The following TBC1D5 variants were observed in gnomAD, a reference collection of about 807,000 sequenced individuals.
The protein encoded by TBC1D5 is TBC1 domain family, member 5.
A neutral mutation model predicts 100.3 loss-of-function variants in TBC1D5; 75 were observed. The observed-to-expected ratio is 0.75, with a 90% CI of 0.62 to 0.91. The LOEUF is 0.91. Ranked by LOEUF, TBC1D5 falls within the 40% of genes least tolerant of loss-of-function variation. The pLI is 0.00. For missense variants in TBC1D5, 910 were observed against 942.4 expected (o/e 0.97, Z 0.45); for synonymous variants, 323 against 325.6 (o/e 0.99, Z 0.09).
intron 1 of TBC1D5, among the ~76,000 whole-genome samples, chr3:17,677,228 G>A (rs141445386): frequency 0.055 from 8,325 of 152,006 alleles, 698 homozygotes; most frequent in African/African-American, 0.18. Context: ...CTATAGAATG[G>A]GAAAAAATTT....
At chr3:17,371,431 A>C (rs77688720) in intron 13 of TBC1D5, among the ~76,000 whole-genome samples, 13,632 of 152,120 alleles carry the variant, frequency 0.09, 1,391 homozygotes, top group African/African-American at 0.25. Context: ...TTTCTTTTGC[A>C]CTGAGCTCTG....
exon 1 of TBC1D5, chr3:17,740,684 T>C (rs2077355608): frequency 6.6e-6 from 1 of 152,228 alleles, no homozygotes; most frequent in Non-Finnish European, 1.5e-5. Flanking sequence ...GCAAATTTGC[T>C]TCCAAAACTC....
chr3:17,341,783 T>G (rs530710099), intron 13 of TBC1D5, among the ~76,000 whole-genome samples: 1 of 152,280 alleles, frequency 6.6e-6, no homozygotes, highest in Non-Finnish European at 1.5e-5. Flanking sequence ...AAGCTAAAAA[T>G]TGCAGTATGA....
At chr3:17,165,451 A>C (rs189294222) in intron 21 of TBC1D5, among the ~76,000 whole-genome samples, 80 of 152,358 alleles carry the variant, frequency 5.3e-4, no homozygotes, top group African/African-American at 1.8e-3. Flanking sequence ...CTGTGCAAGG[A>C]AGGAGAATTT....
chr3:17,341,178 T>C (rs1358890218), intron 13 of TBC1D5, among the ~76,000 whole-genome samples: 4 of 152,186 alleles, frequency 2.6e-5, no homozygotes, highest in African/African-American at 9.7e-5. Context: ...GCACTTTACA[T>C]GTAGCTCTTT....
intron 1 of TBC1D5, among the ~76,000 whole-genome samples, chr3:17,706,910 T>TTTAC (rs2074242997): frequency 6.6e-6 from 1 of 151,820 alleles, no homozygotes; most frequent in Admixed American, 6.5e-5. Context: ...TGGACTGACA[T>TTTAC]TTACATGTAA....
chr3:17,656,450 G>A (rs1280545301), intron 1 of TBC1D5, among the ~76,000 whole-genome samples: 1 of 152,186 alleles, frequency 6.6e-6, no homozygotes, highest in Non-Finnish European at 1.5e-5. Flanking sequence ...TAGCCAGACA[G>A]AAAAGACGGC....
intron 13 of TBC1D5, among the ~76,000 whole-genome samples, chr3:17,323,621 G>A (rs1175112121): frequency 3.3e-5 from 5 of 151,810 alleles, no homozygotes; most frequent in Non-Finnish European, 5.9e-5. Context: ...ATTTAGGGAT[G>A]AATATAAAAA....
chr3:17,732,214 A>T (rs2076619855), intron 1 of TBC1D5, among the ~76,000 whole-genome samples: 1 of 152,112 alleles, frequency 6.6e-6, no homozygotes. Context: ...GCTACCCAGG[A>T]GGCTGAGGCA....
intron 13 of TBC1D5, among the ~76,000 whole-genome samples, chr3:17,367,604 ACC>A (rs2092229664): frequency 6.6e-6 from 1 of 152,128 alleles, no homozygotes; most frequent in South Asian, 2.1e-4. Context: ...CACACGTGTA[ACC>A]CCAGCACTTT....
chr3:17,464,171 G>A (rs760753726), intron 3 of TBC1D5, among the ~76,000 whole-genome samples: 4 of 151,634 alleles, frequency 2.6e-5, no homozygotes, highest in South Asian at 2.1e-4. Context: ...GGCTGGTCTC[G>A]AACTCCAGGT....
At chr3:17,540,682 G>A (rs1011620232) in intron 2 of TBC1D5, among the ~76,000 whole-genome samples, 3 of 151,862 alleles carry the variant, frequency 2.0e-5, no homozygotes, top group Admixed American at 2.0e-4. Context: ...GCCGAGGCGG[G>A]CAGATCACGA....
chr3:17,262,443 G>A (rs545542774), intron 15 of TBC1D5, among the ~76,000 whole-genome samples: 7 of 151,600 alleles, frequency 4.6e-5, no homozygotes, highest in Admixed American at 2.6e-4. Context: ...TGACACAGTC[G>A]GGACTTCAAC....
chr3:17,706,761 T>C (rs2074223523), intron 1 of TBC1D5, among the ~76,000 whole-genome samples: 1 of 151,964 alleles, frequency 6.6e-6, no homozygotes, highest in Admixed American at 6.6e-5. Flanking sequence ...ATATTCTGAA[T>C]TTAAATTATC....
At chr3:17,371,388 T>A (rs2092450373) in intron 13 of TBC1D5, among the ~76,000 whole-genome samples, 1 of 152,186 alleles carries the variant, frequency 6.6e-6, no homozygotes, top group African/African-American at 2.4e-5. Flanking sequence ...CAGCTTGAAA[T>A]TCTTACTAAT....
intron 3 of TBC1D5, among the ~76,000 whole-genome samples, chr3:17,467,700 C>A (rs1016446018): frequency 1.3e-5 from 2 of 151,956 alleles, no homozygotes; most frequent in South Asian, 2.1e-4. Context: ...CATGGCAAAA[C>A]CCCATCTCTA....
At chr3:17,624,058 C>T (rs926426184) in intron 1 of TBC1D5, 145 bp from the exon 2 acceptor site, 7 of 152,220 alleles carry the variant, frequency 4.6e-5, no homozygotes, top group Admixed American at 1.3e-4. Context: ...TTTTCTAGAA[C>T]GTATTTTGTG....
chr3:17,518,487 G>A (rs1560070418), intron 2 of TBC1D5, among the ~76,000 whole-genome samples: 1 of 152,172 alleles, frequency 6.6e-6, no homozygotes, highest in Non-Finnish European at 1.5e-5. Context: ...CCAGATTTCA[G>A]GGGAAGAAGA....
chr3:17,706,404 C>G (rs1465536684), intron 1 of TBC1D5, among the ~76,000 whole-genome samples: 1 of 148,418 alleles, frequency 6.7e-6, no homozygotes, highest in African/African-American at 2.5e-5. Context: ...GTGATTGTCT[C>G]CTAGAATCAA....
Sources: allele counts gnomAD v4.1 joint callset (sites outside exome capture counted in the v4.1 genomes callset), GRCh38; gene constraint gnomAD v4.1.1; transcripts MANE v1.5; gene names NCBI Gene and HGNC (gene_info 2026-07-23, HGNC 2026-07-21).